Variants in ZNF8 observed in about 807,000 individuals in gnomAD.
ZNF8 encodes the protein zinc finger protein 272.
Under a neutral mutation model 12.2 loss-of-function variants are expected in ZNF8, and 9 were observed. The ratio of observed to expected loss-of-function variants is 0.73; its 90% CI spans 0.44 to 1.28. The LOEUF (loss-of-function observed/expected upper bound fraction) is 1.28. ZNF8 is among the 50% of genes most tolerant of loss of function. The pLI is 0.00. For synonymous variants in ZNF8, 274 were observed against 282.3 expected, an observed-to-expected ratio of 0.97 and a Z score of 0.30; for missense variants, 664 against 729.1, an observed-to-expected ratio of 0.91 and a Z score of 1.03.
chr19:58,302,607 C>CA lies in ZNF8; in HGVS notation c.*7072dup, dbSNP rs1357821235. 2 of 152,320 alleles carry CA rather than the reference C, an allele frequency of 1.3e-5. No homozygotes were observed. Among genetic ancestry groups the CA allele is most frequent in the South Asian group, 4.1e-4 (2 of 4,824 alleles). The allele number at this position is 152,320 out of a possible 1,614,324, so 9.4% of individuals were successfully genotyped here. A position where few individuals can be genotyped will look rare whatever the true frequency, so the allele number is the denominator to read the frequency against. On this transcript the variant is annotated 3_prime_UTR_variant, in exon 4 of 4. Coordinates refer to ENST00000621650, the MANE Select transcript of ZNF8 (RefSeq NM_021089.3). ...AGGAGGATTGTAACAATGTGCTCTC[C>CA]ACCCAGTATTTTACCAGCCTTGAGT...
chr19:58,295,003 T>C lies in ZNF8; in HGVS notation c.1195T>C (p.Cys399Arg), dbSNP rs2051444138. Residue 399 changes from cysteine to arginine, a missense_variant, in exon 4 of 4, where the codon TGT (cysteine) becomes CGT (arginine). Coordinates refer to ENST00000621650, the MANE Select transcript of ZNF8 (RefSeq NM_021089.3). ...RTHTEERPYE[C>R]NHCGKGFRHS... Reference sequence around the variant, plus strand: ...TCACACCGAGGAGAGGCCCTACGAGTGTAACCACTGCGGGAAGGGCTTCAG... The same window carrying C: ...TCACACCGAGGAGAGGCCCTACGAGCGTAACCACTGCGGGAAGGGCTTCAG... 6.2e-7 allele frequency: 1 copy of C among 1,613,780 alleles called. No individual in the cohort carries two copies. Among genetic ancestry groups the C allele is most frequent in the East Asian group, 2.2e-5 (1 of 44,860 alleles).
intron 3 of ZNF8, among the ~76,000 whole-genome samples, chr19:58,289,876 A>C (rs2051406529): frequency 6.8e-6 from 1 of 146,318 alleles, no homozygotes; most frequent in Non-Finnish European, 1.5e-5. Flanking sequence ...GGCTCACTGC[A>C]GCCTCCGCCT....
At position 58,294,418 on chromosome 19, in the gene ZNF8, G is replaced by C. The variant is rs147895869; in HGVS notation, c.610G>C (p.Asp204His). 6.2e-7 allele frequency: 1 copy of C among 1,614,006 alleles called. No individual in the cohort carries two copies. Among genetic ancestry groups the C allele is most frequent in the Non-Finnish European group, 8.5e-7 (1 of 1,180,028 alleles). Residue 204 changes from aspartate (D) to histidine (H), a missense_variant, in exon 4 of 4, where the codon GAC becomes CAC. Around this residue, in one of 3 missense-constraint regions of ZNF8, gnomAD observed 306 missense variants for 308.7 expected, o/e 0.99. Transcript: ENST00000621650. The surrounding 1 kb of genome is among the most constrained non-coding windows in gnomAD (Gnocchi z 5.5). ...TAGAGGGGAGTATTTGTATACTTAC[G>C]ACTCACAGATTACAGACTCAGAACA... ...ISRGEYLYTY[D>H]SQITDSEHNS...
At position 58,294,538 on chromosome 19, in the gene ZNF8, A is replaced by C; in HGVS notation, c.730A>C (p.Ile244Leu). 1 of 1,614,204 alleles carries C rather than the reference A, an allele frequency of 6.2e-7. No homozygotes were observed. The highest frequency in any genetic ancestry group is 8.5e-7 in the Non-Finnish European group (1 of 1,180,038). The stretch of plus-strand genomic sequence containing the variant: ...CAGAGATTCCAGTCAGGCCATTCCA[A>C]TTACGGAACTCACAAAAAGCCAGGT... ...CHRDSSQAIP[I>L]TELTKSQVQD... Residue 244 changes from isoleucine to leucine, a missense_variant, in exon 4 of 4, where the codon ATT (isoleucine) becomes CTT (leucine). Around this residue, in one of 3 missense-constraint regions of ZNF8, gnomAD observed 306 missense variants for 308.7 expected, o/e 0.99. Transcript: ENST00000621650. This position sits in a 1 kb window ranked among gnomAD's most constrained non-coding sequence, Gnocchi z 5.5.
intron 3 of ZNF8, among the ~76,000 whole-genome samples, chr19:58,288,164 G>A (rs562962448): frequency 3.9e-4 from 60 of 151,972 alleles, no homozygotes; most frequent in African/African-American, 1.2e-3. Flanking sequence ...CTGGTCACAT[G>A]TCTAGATTCT....
intron 3 of ZNF8, among the ~76,000 whole-genome samples, chr19:58,289,883 G>A (rs945215173): frequency 6.7e-6 from 1 of 148,482 alleles, no homozygotes; most frequent in African/African-American, 2.5e-5. Context: ...TGCAGCCTCC[G>A]CCTTCCCAGG....
At chr19:58,279,310 G>A (rs1180228165) in intron 1 of ZNF8, 163 bp downstream of exon 1, 5 of 1,492,812 alleles carry the variant, frequency 3.3e-6, no homozygotes, top group Middle Eastern at 1.7e-4. Context: ...CGTCCTGGCT[G>A]GTCAGAGAGG....
At chr19:58,290,426 A>T (rs1018406618) in intron 3 of ZNF8, among the ~76,000 whole-genome samples, 1 of 152,088 alleles carries the variant, frequency 6.6e-6, no homozygotes, top group African/African-American at 2.4e-5. Flanking sequence ...CAAGATTCTT[A>T]ATCACAGCTA....
rs764387337 is a variant in ZNF8 at position 58,295,223 on chromosome 19, G to A, written c.1415G>A (p.Cys472Tyr). ...GACAGACCCTTCAAATGTAATCAGT[G>A]TGGGAAGTGTTTCATTCAGAGCTCT... is the stretch of plus-strand genomic sequence containing the variant. ...RSDRPFKCNQ[C>Y]GKCFIQSSHL... The change falls in exon 4 of 4, where the codon TGT becomes TAT. Residue 472 changes from cysteine (C) to tyrosine (Y), a missense_variant. Around this residue, in one of 3 missense-constraint regions of ZNF8, gnomAD observed 225 missense variants for 222.0 expected, o/e 1.01. Transcript: ENST00000621650. The A allele has an allele frequency of 6.2e-7, 1 of 1,614,234 alleles. No homozygotes were observed. The highest frequency in any genetic ancestry group is 8.5e-7 in the Non-Finnish European group (1 of 1,180,030).
Position 58,294,756 on chromosome 19 carries a change from C to T in ZNF8, c.948C>T (p.Ala316=), listed in dbSNP as rs367701613. 8.5e-5 allele frequency: 138 copies of T among 1,614,084 alleles called. No homozygotes were observed. In the Middle Eastern group the frequency reaches 1.6e-3, roughly 19 times the overall value. ...CTGGAGACAAGCCCTACAAGTGTGC[C>T]GAATGTGGGAAGTCTTTCTGCCATA... ...IHTGDKPYKC[A]ECGKSFCHST... is the part of the protein sequence containing the mutation. The change falls in exon 4 of 4, where the codon GCC becomes GCT. Residue 316 remains alanine (A), a synonymous_variant. Transcript: ENST00000621650. The surrounding 1 kb of genome is among the most constrained non-coding windows in gnomAD (Gnocchi z 5.5).
Position 58,294,074 on chromosome 19 carries a change from A to G in ZNF8, c.290-24A>G, listed in dbSNP as rs373354893. 32 of 1,577,716 alleles carry G rather than the reference A, an allele frequency of 2.0e-5. No individual in the cohort carries two copies. Among genetic ancestry groups the G allele is most frequent in the Non-Finnish European group, 2.5e-5 (29 of 1,158,898 alleles). On this transcript the variant is annotated intron_variant, in intron 3 of 3. Coordinates refer to ENST00000621650, the MANE Select transcript of ZNF8 (RefSeq NM_021089.3). The surrounding 1 kb of genome is among the most constrained non-coding windows in gnomAD (Gnocchi z 5.5). Reference sequence around the variant, plus strand: ...TTCCGTTTTTTTCTCCCAACAGCTCAGAGATCTTTGGGTTTTCTTTCAGCC... The same window carrying G: ...TTCCGTTTTTTTCTCCCAACAGCTCGGAGATCTTTGGGTTTTCTTTCAGCC...
intron 3 of ZNF8, chr19:58,286,587 C>G: frequency 5.7e-6 from 1 of 176,118 alleles, no homozygotes; most frequent in Non-Finnish European, 1.2e-5. Flanking sequence ...CTCTGCCTAG[C>G]ACAGACCAAG....
At position 58,298,850 on chromosome 19, in the gene ZNF8, T is replaced by G. The variant is rs1158644306; in HGVS notation, c.*3314T>G. The G allele has an allele frequency of 4.8e-5, 1 of 20,996 alleles. No homozygotes were observed. Among genetic ancestry groups the G allele is most frequent in the Non-Finnish European group, 9.1e-5 (1 of 11,002 alleles). 1.3% of individuals were successfully genotyped at this position (20,996 alleles called of 1,614,324 possible). A position where few individuals can be genotyped will look rare whatever the true frequency, so the allele number is the denominator to read the frequency against. ...TGGAATTTTTCTTTTTTCTTTTTCT[T>G]TTTTTTTTTTGTGATGGAGACTTGC... On this transcript the variant is annotated 3_prime_UTR_variant, in exon 4 of 4. Coordinates refer to ENST00000621650, the MANE Select transcript of ZNF8 (RefSeq NM_021089.3).
Position 58,299,433 on chromosome 19 carries a change from C to T in ZNF8, c.*3897C>T, listed in dbSNP as rs1307150102. ...GGCCCCAAAACAGCAATTTGAATAACCATGTTGGAATGGTTGAGCATTGGA... is the reference window on the plus strand; with the variant it reads ...GGCCCCAAAACAGCAATTTGAATAATCATGTTGGAATGGTTGAGCATTGGA... On this transcript the variant is annotated 3_prime_UTR_variant, in exon 4 of 4. Transcript: ENST00000621650. The T allele has an allele frequency of 6.8e-6, 1 of 146,270 alleles. No individual in the cohort carries two copies. The highest frequency in any genetic ancestry group is 1.5e-5 in the Non-Finnish European group (1 of 66,292). 9.1% of individuals were successfully genotyped at this position (146,270 alleles called of 1,614,324 possible).
At chr19:58,282,980 C>CTT (rs112317260) in intron 1 of ZNF8, among the ~76,000 whole-genome samples, 25 of 146,530 alleles carry the variant, frequency 1.7e-4, no homozygotes, top group Non-Finnish European at 3.0e-4. Flanking sequence ...TTTTTCTCTT[C>CTT]TTTTTTTTTT....
rs2147951459 is a variant in ZNF8 at position 58,279,053 on chromosome 19, A to G, written c.-29A>G. On this transcript the variant is annotated 5_prime_UTR_variant, in exon 1 of 4. Coordinates refer to ENST00000621650, the MANE Select transcript of ZNF8 (RefSeq NM_021089.3). ...GCCTCTCTGGTCTGGGGATCACCTC[A>G]GGCGCTGTCCTTCACTGGGCGATCC... 2 of 1,447,052 alleles carry G rather than the reference A, an allele frequency of 1.4e-6. No homozygotes were observed. Among genetic ancestry groups the G allele is most frequent in the East Asian group, 2.6e-5 (1 of 37,744 alleles). 89.6% of individuals were successfully genotyped at this position (1,447,052 alleles called of 1,614,324 possible).
chr19:58,293,312 A>C (rs928315096), intron 3 of ZNF8, among the ~76,000 whole-genome samples: 3 of 152,028 alleles, frequency 2.0e-5, no homozygotes, highest in Non-Finnish European at 4.4e-5. Context: ...CTCCTCCATT[A>C]TCTCTCCCGT....
chr19:58,293,090 A>G (rs1490313339), intron 3 of ZNF8, among the ~76,000 whole-genome samples: 1 of 152,138 alleles, frequency 6.6e-6, no homozygotes, highest in Non-Finnish European at 1.5e-5. Context: ...CTGGGACTAC[A>G]GGTGTATAAC....
At chr19:58,279,343 C>T (rs1336429965) in intron 1 of ZNF8, 196 bp downstream of exon 1, 13 of 1,473,848 alleles carry the variant, frequency 8.8e-6, no homozygotes, top group African/African-American at 1.4e-5. Flanking sequence ...CAACCAGGCG[C>T]CTGGCCCCCG....
Sources: gnomAD v4.1 joint callset for allele counts (sites outside exome capture counted in the v4.1 genomes callset) on GRCh38, gnomAD v4.1.1 for gene constraint, gnomAD v4.1.1 regional missense constraint, Gnocchi (gnomAD v3.1) non-coding constraint, MANE v1.5 for transcripts, NCBI Gene and HGNC (gene_info 2026-07-23, HGNC 2026-07-21) for gene names.